DNER: variants seen among roughly 807,000 people sequenced by gnomAD.
DNER encodes the protein delta/notch like EGF repeat containing.
DNER carries 33 observed loss-of-function variants against 78.2 expected under a neutral mutation model. The observed-to-expected ratio is 0.42, with a 90% CI of 0.32 to 0.56. The LOEUF is 0.56. Among genes scored for constraint, DNER ranks in the 20% least tolerant of loss-of-function variants. The pLI is 0.11. For missense variants in DNER, 918 were observed against 975.3 expected (o/e 0.94, Z 0.78); for synonymous variants, 417 against 384.8 (o/e 1.08, Z -0.98).
chr2:229,422,057 T>C (rs1368765825), intron 8 of DNER, among the ~76,000 whole-genome samples: 3 of 152,064 alleles, frequency 2.0e-5, no homozygotes, highest in Admixed American at 2.0e-4. Flanking sequence ...TTTTCTTCCT[T>C]GGGGGGGAAA....
chr2:229,660,735 G>A (rs1698995033), intron 1 of DNER, among the ~76,000 whole-genome samples: 1 of 152,180 alleles, frequency 6.6e-6, no homozygotes, highest in Non-Finnish European at 1.5e-5. Flanking sequence ...TTAGCATAAA[G>A]TTAAAATGCA....
intron 8 of DNER, among the ~76,000 whole-genome samples, chr2:229,426,495 A>G (rs913137666): frequency 2.0e-5 from 3 of 150,638 alleles, no homozygotes; most frequent in Non-Finnish European, 3.0e-5. Flanking sequence ...TAATCCTATT[A>G]TATTAACATG....
At chr2:229,408,086 T>C (rs1231320430) in intron 9 of DNER, among the ~76,000 whole-genome samples, 3 of 152,106 alleles carry the variant, frequency 2.0e-5, no homozygotes, top group Admixed American at 2.0e-4. Context: ...CAGCACTCGT[T>C]TAACAAAGAA....
At chr2:229,541,329 A>AG (rs140680464) in intron 5 of DNER, among the ~76,000 whole-genome samples, 12,118 of 152,148 alleles carry the variant, frequency 0.08, 621 homozygotes, top group East Asian at 0.15. Context: ...TTAGAAGAAG[A>AG]AGAGAATCTT....
In DNER at chr2:229,388,305, G is replaced by A; in HGVS notation, c.1815C>T (p.Cys605=). 1 of 1,611,328 alleles carries A rather than the reference G, an allele frequency of 6.2e-7. No individual in the cohort carries two copies. Among genetic ancestry groups the A allele is most frequent in the Non-Finnish European group, 8.5e-7 (1 of 1,178,530 alleles). The part of the protein sequence containing the change: ...SCLDQPNGYN[C]HCPHGWVGAN... ...CTCCCACCCAACCATGCGGGCAGTG[G>A]CAGTTATAACCATTGGGCTGGTCCA... Residue 605 remains cysteine, a synonymous_variant, in exon 11 of 13, where the codon TGC becomes TGT. Transcript: ENST00000341772.
intron 1 of DNER, among the ~76,000 whole-genome samples, chr2:229,631,973 T>C (rs1420569101): frequency 6.6e-6 from 1 of 152,238 alleles, no homozygotes; most frequent in Non-Finnish European, 1.5e-5. Flanking sequence ...TAATTCTATA[T>C]CAACCAATAA....
At chr2:229,505,314 A>G (rs1296538203) in intron 6 of DNER, among the ~76,000 whole-genome samples, 2 of 152,126 alleles carry the variant, frequency 1.3e-5, no homozygotes, top group Non-Finnish European at 2.9e-5. Context: ...CGGAACTGGC[A>G]AAGAAGAAAC....
At chr2:229,541,853 T>A (rs895877329) in intron 5 of DNER, among the ~76,000 whole-genome samples, 2 of 146,814 alleles carry the variant, frequency 1.4e-5, no homozygotes, top group Admixed American at 1.4e-4. Context: ...TATATATATG[T>A]GATTATATAT....
intron 1 of DNER, among the ~76,000 whole-genome samples, chr2:229,623,751 C>A (rs13393112): frequency 6.6e-6 from 1 of 152,064 alleles, no homozygotes; most frequent in Admixed American, 6.6e-5. Flanking sequence ...GAGTGGGGAC[C>A]TATGGATATC....
At chr2:229,607,565 T>C (rs1191868819) in intron 1 of DNER, among the ~76,000 whole-genome samples, 1 of 152,208 alleles carries the variant, frequency 6.6e-6, no homozygotes, top group Admixed American at 6.5e-5. Context: ...GGACCAAATA[T>C]TTTCAAGATA....
chr2:229,475,108 T>C (rs1346727736), intron 7 of DNER, among the ~76,000 whole-genome samples: 1 of 152,232 alleles, frequency 6.6e-6, no homozygotes, highest in Non-Finnish European at 1.5e-5. Context: ...AGGCACTTTA[T>C]CTGTCTCAAC....
At chr2:229,691,498 C>A (rs895502264) in intron 1 of DNER, among the ~76,000 whole-genome samples, 1 of 151,902 alleles carries the variant, frequency 6.6e-6, no homozygotes, top group Non-Finnish European at 1.5e-5. Context: ...CCTAATAAAT[C>A]TCTCCATATT....
chr2:229,366,795 G>T, intron 12 of DNER, 78 bp downstream of exon 12: 1 of 1,578,352 alleles, frequency 6.3e-7, no homozygotes, highest in Non-Finnish European at 8.6e-7. Flanking sequence ...CAAATGGAAA[G>T]TCCTGTGTAT....
intron 1 of DNER, among the ~76,000 whole-genome samples, chr2:229,667,001 AAG>A (rs1320067317): frequency 6.6e-6 from 1 of 152,338 alleles, no homozygotes; most frequent in East Asian, 1.9e-4. Context: ...AGGAAAATAA[AAG>A]AGTCACCCCG....
At position 229,649,764 on chromosome 2, in the gene DNER, T is replaced by G. The variant is rs115726119; in HGVS notation, c.277-57876A>C. On this transcript the variant is annotated intron_variant, in intron 1 of 12. Transcript: ENST00000341772. ...TTCTTAACTCCTCTCCTGCTATCTC[T>G]TCTCACATCTTCTCTTAAGAAATGG... Among the ~76,000 whole-genome samples, 1,216 of 152,314 alleles carry G rather than the reference T, an allele frequency of 8.0e-3. 21 individuals are homozygous for G. Among genetic ancestry groups the G allele is most frequent in the African/African-American group, 0.028 (1,180 of 41,572 alleles).
Position 229,477,246 on chromosome 2 carries a change from A to C in DNER, c.1155T>G (p.Thr385=). 1 of 1,610,698 alleles carries C rather than the reference A, an allele frequency of 6.2e-7. No homozygotes were observed. The highest frequency in any genetic ancestry group is 8.5e-7 in the Non-Finnish European group (1 of 1,178,284). The change falls in exon 7 of 13, where the codon ACT becomes ACG. Residue 385 remains threonine (T), a synonymous_variant. Coordinates refer to ENST00000341772, the MANE Select transcript of DNER (RefSeq NM_139072.4). ...NFTCVCLPGY[T]GELCQSKIDY... ...CAATCTTGGACTGGCAAAGCTCTCC[A>C]GTATAACCTGAATAAAACAAAATGT...
intron 3 of DNER, 86 bp downstream of exon 3, chr2:229,588,308 T>G: frequency 3.2e-6 from 4 of 1,261,366 alleles, no homozygotes; most frequent in Non-Finnish European, 4.6e-6. Context: ...GACAGGCCAC[T>G]TACACACCAG....
intron 6 of DNER, among the ~76,000 whole-genome samples, chr2:229,479,327 G>A (rs547549786): frequency 1.2e-4 from 19 of 152,182 alleles, no homozygotes; most frequent in East Asian, 3.9e-4. Flanking sequence ...CATCACCATC[G>A]TCAACAAACA....
At chr2:229,708,769 G>T (rs967876917) in intron 1 of DNER, among the ~76,000 whole-genome samples, 1 of 152,192 alleles carries the variant, frequency 6.6e-6, no homozygotes, top group Non-Finnish European at 1.5e-5. Context: ...GTTTTTGTGA[G>T]GTGGCCAAGC....
Sources: gnomAD v4.1 joint callset for allele counts (sites outside exome capture counted in the v4.1 genomes callset) on GRCh38, gnomAD v4.1.1 for gene constraint, MANE v1.5 for transcripts, NCBI Gene and HGNC (gene_info 2026-07-23, HGNC 2026-07-21) for gene names.